Variants in HOXC4 observed in about 807,000 individuals in gnomAD.
HOXC4 encodes the protein homeobox protein Hox-C4.
Under a neutral mutation model 25.5 loss-of-function variants are expected in HOXC4, and 15 were observed. The ratio of observed to expected loss-of-function variants is 0.59; its 90% CI spans 0.39 to 0.91. HOXC4 has a LOEUF of 0.91. Ranked by LOEUF, HOXC4 falls within the 40% of genes least tolerant of loss-of-function variation. HOXC4 has a pLI of 0.00. For missense variants in HOXC4, 342 were observed against 352.4 expected (o/e 0.97, Z 0.24); for synonymous variants, 165 against 148.0 (o/e 1.11, Z -0.83).
intron 1 of HOXC4, among the ~76,000 whole-genome samples, chr12:54,031,058 A>C (rs955014479): frequency 6.6e-6 from 1 of 152,236 alleles, no homozygotes. Flanking sequence ...TGCGGGAAAA[A>C]GCCGCGTAGG....
intron 1 of HOXC4, among the ~76,000 whole-genome samples, chr12:54,041,866 G>C (rs186228552): frequency 1.3e-3 from 195 of 152,012 alleles, no homozygotes; most frequent in African/African-American, 4.5e-3. Flanking sequence ...TGGCAGAGAT[G>C]AGATTTAATC....
intron 1 of HOXC4, chr12:54,033,801 T>TG: frequency 1.7e-6 from 1 of 572,846 alleles, no homozygotes; most frequent in Non-Finnish European, 3.1e-6. Context: ...ATTCAATTTT[T>TG]GGGGGAGAGG....
At chr12:54,050,898 G>A (rs1363273471), upstream of HOXC4, among the ~76,000 whole-genome samples, 1 of 152,122 alleles carries the variant, frequency 6.6e-6, no homozygotes, top group African/African-American at 2.4e-5. Context: ...TAGTGTGCAC[G>A]CATATATGTT....
At chr12:54,023,748 CTT>C (rs1940554050) in intron 1 of HOXC4, among the ~76,000 whole-genome samples, 3 of 152,198 alleles carry the variant, frequency 2.0e-5, no homozygotes, top group Admixed American at 2.0e-4. Flanking sequence ...CATGCCTAAA[CTT>C]TGAAAGGAGG....
rs1422053956 is a variant in HOXC4, at chr12:54,055,384, C to G, written c.*179C>G. The stretch of plus-strand genomic sequence containing the variant: ...CAGACAAAACAGATAAACAAACAAG[C>G]CCCCTGCCCTCCTCTCCCTCCCACT... On this transcript the variant is annotated 3_prime_UTR_variant, in exon 2 of 2. Coordinates refer to ENST00000430889, the MANE Select transcript of HOXC4 (RefSeq NM_153633.3). The G allele has an allele frequency of 4.5e-6, 1 of 221,112 alleles. No homozygotes were observed. Among genetic ancestry groups the G allele is most frequent in the Non-Finnish European group, 8.6e-6 (1 of 116,550 alleles). The allele number at this position is 221,112 out of a possible 1,614,324, so 13.7% of individuals were successfully genotyped here. A position where few individuals can be genotyped will look rare whatever the true frequency, so the allele number is the denominator to read the frequency against.
upstream of HOXC4, among the ~76,000 whole-genome samples, chr12:54,051,533 T>A (rs1184660803): frequency 6.6e-6 from 1 of 152,138 alleles, no homozygotes; most frequent in Non-Finnish European, 1.5e-5. Flanking sequence ...TGTCCTCACA[T>A]GCAGAGAGTT....
At chr12:54,029,088 C>T (rs1940865093) in intron 1 of HOXC4, among the ~76,000 whole-genome samples, 1 of 151,876 alleles carries the variant, frequency 6.6e-6, no homozygotes, top group African/African-American at 2.4e-5. Context: ...GCTCGCCTCT[C>T]GCTCGCTTGC....
chr12:54,034,442 A>G (rs1375154084), intron 1 of HOXC4: 1 of 1,614,274 alleles, frequency 6.2e-7, no homozygotes, highest in Admixed American at 1.7e-5. Context: ...CCAGAACCGC[A>G]GGATGAAGTG....
intron 1 of HOXC4, among the ~76,000 whole-genome samples, chr12:54,038,998 A>C (rs1420595198): frequency 6.6e-6 from 1 of 152,104 alleles, no homozygotes; most frequent in African/African-American, 2.4e-5. Flanking sequence ...TGTCTTCCAC[A>C]CCTGCAATTG....
intron 1 of HOXC4, chr12:54,028,387 G>A: frequency 1.1e-6 from 1 of 950,590 alleles, no homozygotes; most frequent in Non-Finnish European, 1.5e-6. Flanking sequence ...GATTGGCTGG[G>A]AGGGGGTCAG....
intron 1 of HOXC4, chr12:54,029,894 A>AG (rs1940916087): frequency 6.2e-7 from 1 of 1,608,760 alleles, no homozygotes; most frequent in African/African-American, 1.3e-5. Context: ...CGGAGGGGCC[A>AG]CCGCCGACAG....
intron 1 of HOXC4, chr12:54,028,712 G>T (rs1565741324): frequency 1.2e-5 from 20 of 1,613,954 alleles, no homozygotes; most frequent in Non-Finnish European, 1.6e-5. Flanking sequence ...GTCGTGTTCA[G>T]TTCCAGCCGG....
At chr12:54,017,626 G>C (rs1420840450) in intron 1 of HOXC4, among the ~76,000 whole-genome samples, 1 of 151,938 alleles carries the variant, frequency 6.6e-6, no homozygotes, top group Non-Finnish European at 1.5e-5. Context: ...GTGTTGTCCT[G>C]ATGTCACTGT....
chr12:54,024,419 G>T (rs894735), intron 1 of HOXC4, among the ~76,000 whole-genome samples: 2 of 152,312 alleles, frequency 1.3e-5, no homozygotes, highest in Non-Finnish European at 2.9e-5. Flanking sequence ...GTATCTGTGT[G>T]CGAGGGTTGG....
chr12:54,034,768 G>A, intron 1 of HOXC4: 1 of 451,788 alleles, frequency 2.2e-6, no homozygotes, highest in Non-Finnish European at 4.1e-6. Context: ...CCGGAGGGCT[G>A]CGGCGTACAG....
At chr12:54,029,684 G>A (rs1323944457) in intron 1 of HOXC4, 1 of 1,613,510 alleles carries the variant, frequency 6.2e-7, no homozygotes, top group Non-Finnish European at 8.5e-7. Context: ...CCGGAGGCGC[G>A]GCCGCCAGAT....
chr12:54,054,657 C>A (rs1042722548), intron 1 of HOXC4, among the ~76,000 whole-genome samples, 193 bp from the exon 2 acceptor site: 4 of 152,114 alleles, frequency 2.6e-5, no homozygotes, highest in Non-Finnish European at 4.4e-5. Flanking sequence ...AGTGTCGTTA[C>A]AATGAGGATT....
chr12:54,043,710 G>A (rs1267980379), intron 1 of HOXC4, among the ~76,000 whole-genome samples: 1 of 151,958 alleles, frequency 6.6e-6, no homozygotes, highest in Non-Finnish European at 1.5e-5. Flanking sequence ...GATCTTCAGT[G>A]TTGTGTTGGC....
At chr12:54,051,935 C>T (rs1318473011), upstream of HOXC4, among the ~76,000 whole-genome samples, 1 of 152,228 alleles carries the variant, frequency 6.6e-6, no homozygotes, top group Non-Finnish European at 1.5e-5. Context: ...GAATCTCTTG[C>T]CTTCAGTCTC....
Sources: gnomAD v4.1 joint callset for allele counts (sites outside exome capture counted in the v4.1 genomes callset) on GRCh38, gnomAD v4.1.1 for gene constraint, MANE v1.5 for transcripts, NCBI Gene and HGNC (gene_info 2026-07-23, HGNC 2026-07-21) for gene names.